RBM27: variants seen among roughly 807,000 people sequenced by gnomAD.
The protein encoded by RBM27 is RNA-binding protein 27.
A neutral mutation model predicts 135.3 loss-of-function variants in RBM27; 22 were observed. The ratio of observed to expected loss-of-function variants is 0.16; its 90% CI spans 0.12 to 0.23. RBM27 has a LOEUF of 0.23. Among genes scored for constraint, RBM27 ranks in the 10% least tolerant of loss-of-function variants. The pLI is 1.00. For missense variants in RBM27, 1,009 were observed against 1,281.0 expected (o/e 0.79, Z 3.24); for synonymous variants, 481 against 442.4 (o/e 1.09, Z -1.10).
intron 19 of RBM27, among the ~76,000 whole-genome samples, chr5:146,272,835 G>C (rs1581234776): frequency 1.3e-5 from 2 of 152,094 alleles, no homozygotes; most frequent in Non-Finnish European, 2.9e-5. Flanking sequence ...CCTGATTCTT[G>C]GGGAAGATAG....
chr5:146,224,596 C>T (rs960890186), intron 3 of RBM27, among the ~76,000 whole-genome samples: 6 of 151,894 alleles, frequency 4.0e-5, no homozygotes, highest in East Asian at 1.9e-4. Flanking sequence ...GCAGGAGAAT[C>T]GCTTGAACCC....
intron 13 of RBM27, among the ~76,000 whole-genome samples, chr5:146,262,041 G>A (rs1329753746): frequency 2.0e-5 from 3 of 152,148 alleles, no homozygotes; most frequent in Non-Finnish European, 1.5e-5. Context: ...GGGGCCCAAG[G>A]ATTTGTGTTT....
chr5:146,231,146 C>T (rs1439948557), intron 6 of RBM27, among the ~76,000 whole-genome samples: 1 of 152,142 alleles, frequency 6.6e-6, no homozygotes, highest in Non-Finnish European at 1.5e-5. Context: ...CTCAGCCTCC[C>T]AAGTAGCCTC....
intron 1 of RBM27, among the ~76,000 whole-genome samples, chr5:146,218,421 A>G (rs899759965): frequency 3.3e-5 from 5 of 152,212 alleles, no homozygotes; most frequent in African/African-American, 1.2e-4. Flanking sequence ...TACAGCTGCT[A>G]AAGCATTTGC....
intron 14 of RBM27, 143 bp from the exon 15 acceptor site, chr5:146,267,506 T>C (rs2126873058): frequency 1.8e-6 from 1 of 567,848 alleles, no homozygotes; most frequent in East Asian, 3.2e-5. Flanking sequence ...AACTAGATTT[T>C]ATAATGAAAT....
At position 146,203,709 on chromosome 5, in the gene RBM27, TGGAGACCCAC is replaced by T; in HGVS notation, c.-54_-45del. 1 of 1,490,508 alleles carries T rather than the reference TGGAGACCCAC, an allele frequency of 6.7e-7. No individual in the cohort carries two copies. Among genetic ancestry groups the T allele is most frequent in the South Asian group, 1.2e-5 (1 of 82,400 alleles). The allele number at this position is 1,490,508 out of a possible 1,614,324, so 92.3% of individuals were successfully genotyped here. ...AAGGGAACGTGAGGGGGCGGCGTAG[TGGAGACCCAC>T]GGCAGGCCTGAAGAAGAGCGGCGGC... On this transcript the variant is annotated 5_prime_UTR_variant, in exon 1 of 21. Transcript: ENST00000265271.
At chr5:146,262,219 T>G (rs916846508) in intron 13 of RBM27, among the ~76,000 whole-genome samples, 7 of 152,226 alleles carry the variant, frequency 4.6e-5, no homozygotes, top group South Asian at 2.1e-4. Context: ...CAAGTACTCT[T>G]AAGTTATTGT....
chr5:146,230,024 A>G (rs554135018), intron 5 of RBM27, 114 bp downstream of exon 5: 1 of 1,248,516 alleles, frequency 8.0e-7, no homozygotes, highest in East Asian at 2.4e-5. Context: ...CAGTGTAAAA[A>G]CTGGAATTGT....
chr5:146,264,188 T>G (rs1366327448), intron 14 of RBM27, among the ~76,000 whole-genome samples: 2 of 152,112 alleles, frequency 1.3e-5, no homozygotes, highest in Admixed American at 1.3e-4. Context: ...GTTTGTTTGT[T>G]TGTTTGTTTT....
Position 146,269,196 on chromosome 5 carries a change from T to G in RBM27, c.2452-11T>G, listed in dbSNP as rs1388270936. 6.3e-7 allele frequency: 1 copy of G among 1,576,620 alleles called. No individual in the cohort carries two copies. The highest frequency in any genetic ancestry group is 8.7e-7 in the Non-Finnish European group (1 of 1,155,498). ...ACATTATCTGTATTAATTTCTTTTT[T>G]ACTTATACAGGAAGCAATGAAGTTA... On this transcript the variant is annotated splice_polypyrimidine_tract_variant and intron_variant, in intron 15 of 20. Coordinates refer to ENST00000265271, the MANE Select transcript of RBM27 (RefSeq NM_018989.2).
chr5:146,237,226 C>G (rs955638336), intron 7 of RBM27, 72 bp from the exon 8 acceptor site: 14 of 1,575,540 alleles, frequency 8.9e-6, no homozygotes, highest in South Asian at 5.7e-5. Context: ...GTGTGAGCCA[C>G]TGCTCCTGGC....
At chr5:146,278,497 TTC>T (rs1286293909) in intron 19 of RBM27, among the ~76,000 whole-genome samples, 9 of 152,078 alleles carry the variant, frequency 5.9e-5, no homozygotes, top group Non-Finnish European at 1.2e-4. Flanking sequence ...CTTAAAGATA[TTC>T]TCTCTCTATA....
At position 146,261,398 on chromosome 5, in the gene RBM27, T is replaced by C. The variant is rs1441921118; in HGVS notation, c.1894-112T>C. The C allele has an allele frequency of 1.2e-5, 11 of 887,500 alleles. No homozygotes were observed. In the Admixed American group the frequency reaches 2.6e-4, roughly 21 times the overall value. The allele number at this position is 887,500 out of a possible 1,614,324, so 55.0% of individuals were successfully genotyped here. A position where few individuals can be genotyped will look rare whatever the true frequency, so the allele number is the denominator to read the frequency against. The stretch of plus-strand genomic sequence containing the variant: ...TCTCTAAAACAGTAATGTTGGAGTT[T>C]AGGGCTTTAACATGTGTATTTTGGG... On this transcript the variant is annotated intron_variant, in intron 12 of 20. Transcript: ENST00000265271.
intron 19 of RBM27, among the ~76,000 whole-genome samples, chr5:146,274,902 A>C (rs914964092): frequency 6.6e-6 from 1 of 151,834 alleles, no homozygotes; most frequent in Admixed American, 6.6e-5. Context: ...TTGTGAGGAG[A>C]TACAGATGAT....
In RBM27 at chr5:146,237,433, G is replaced by GT; in HGVS notation, c.1279+2dup. 1 of 1,613,722 alleles carries GT rather than the reference G, an allele frequency of 6.2e-7. No individual in the cohort carries two copies. Among genetic ancestry groups the GT allele is most frequent in the East Asian group, 2.2e-5 (1 of 44,872 alleles). ...AACCTCCTTTACACAGTATCAGAAC[G>GT]TAAGTACATGTTGTTTGACTTAAAA... On this transcript the variant is annotated splice_donor_variant, in intron 8 of 20. Coordinates refer to ENST00000265271, the MANE Select transcript of RBM27 (RefSeq NM_018989.2). LOFTEE classifies it high-confidence loss of function.
intron 2 of RBM27, among the ~76,000 whole-genome samples, chr5:146,222,529 C>A (rs910428890): frequency 3.3e-5 from 5 of 151,812 alleles, no homozygotes; most frequent in Non-Finnish European, 7.4e-5. Context: ...ACTAAAAATA[C>A]AAAAATTAGC....
intron 5 of RBM27, 70 bp downstream of exon 5, chr5:146,229,980 A>G (rs1418801551): frequency 1.9e-6 from 3 of 1,552,336 alleles, no homozygotes; most frequent in Non-Finnish European, 2.6e-6. Flanking sequence ...GGTGCAAGAA[A>G]TTCTCTTAAA....
At chr5:146,233,396 T>A (rs1757020100) in intron 6 of RBM27, 54 bp from the exon 7 acceptor site, 4 of 1,479,690 alleles carry the variant, frequency 2.7e-6, no homozygotes, top group South Asian at 1.5e-5. Context: ...TTTGTTGTTT[T>A]CTGAACTCTA....
intron 8 of RBM27, among the ~76,000 whole-genome samples, chr5:146,239,825 T>C (rs1757328500): frequency 6.7e-6 from 1 of 148,732 alleles, no homozygotes; most frequent in South Asian, 2.2e-4. Flanking sequence ...TTCCCCAGGC[T>C]GAAGTGTGGT....
Sources: gnomAD v4.1 joint callset for allele counts (sites outside exome capture counted in the v4.1 genomes callset) on GRCh38, gnomAD v4.1.1 for gene constraint, MANE v1.5 for transcripts, NCBI Gene and HGNC (gene_info 2026-07-23, HGNC 2026-07-21) for gene names.